Variants in RBFOX2 observed in about 807,000 individuals in gnomAD.
RBFOX2 encodes the protein RNA binding fox-1 homolog 2, also known as RNA binding protein fox-1 homolog 2.
RBFOX2 carries 10 observed loss-of-function variants against 49.1 expected under a neutral mutation model. The ratio of observed to expected loss-of-function variants is 0.20; its 90% CI spans 0.13 to 0.35. The LOEUF is 0.35. Ranked by LOEUF, RBFOX2 falls within the 10% of genes least tolerant of loss-of-function variation. The pLI is 1.00. For missense variants in RBFOX2, 323 were observed against 486.9 expected (o/e 0.66, Z 3.17); for synonymous variants, 183 against 187.4 (o/e 0.98, Z 0.19).
chr22:35,871,635 T>A (rs2044366105), intron 1 of RBFOX2, among the ~76,000 whole-genome samples: 1 of 152,168 alleles, frequency 6.6e-6, no homozygotes, highest in Admixed American at 6.5e-5. Context: ...TCACTTTTCC[T>A]AGCCACATGG....
At chr22:35,826,838 T>C (rs1465957594) in intron 1 of RBFOX2, among the ~76,000 whole-genome samples, 4 of 152,122 alleles carry the variant, frequency 2.6e-5, no homozygotes, top group Non-Finnish European at 4.4e-5. Flanking sequence ...ACAGAACAAT[T>C]ATAACAATAT....
chr22:35,862,929 C>T (rs1004504580), intron 1 of RBFOX2, among the ~76,000 whole-genome samples: 3 of 152,076 alleles, frequency 2.0e-5, no homozygotes, highest in Admixed American at 6.5e-5. Flanking sequence ...TTGCTGTCGT[C>T]GTCATCATCA....
Position 35,916,959 on chromosome 22 carries a change from T to G in RBFOX2, c.-34+21888A>C, listed in dbSNP as rs1000544652. Among the ~76,000 whole-genome samples the G allele has an allele frequency of 1.4e-4, 21 of 151,988 alleles. 1 individual carries two copies. Among genetic ancestry groups the G allele is most frequent in the African/African-American group, 4.8e-4 (20 of 41,464 alleles). On this transcript the variant is annotated intron_variant, in intron 1 of 13. Coordinates refer to the RBFOX2 transcript ENST00000359369. The stretch of plus-strand genomic sequence containing the variant: ...CACAATACCTGATGCATAGCAAGCA[T>G]TCAGTAAATAGTACCTGGTACTATA...
At chr22:35,812,451 T>G (rs966142915) in intron 1 of RBFOX2, among the ~76,000 whole-genome samples, 1 of 152,196 alleles carries the variant, frequency 6.6e-6, no homozygotes, top group Non-Finnish European at 1.5e-5. Context: ...ACGAGAGATA[T>G]AAAATAGTTA....
intron 1 of RBFOX2, 32 bp downstream of exon 2, chr22:35,938,813 TAC>T (rs746635199): frequency 8.8e-6 from 14 of 1,586,824 alleles, no homozygotes; most frequent in Non-Finnish European, 1.7e-6. Context: ...ACCACACACA[TAC>T]ATCATCTGAG....
At chr22:35,775,118 C>G (rs1943566475) in intron 4 of RBFOX2, among the ~76,000 whole-genome samples, 1 of 152,136 alleles carries the variant, frequency 6.6e-6, no homozygotes, top group Non-Finnish European at 1.5e-5. Flanking sequence ...GATTAAGAAA[C>G]TAAACTTAAT....
chr22:35,947,907 T>A (rs1163051341), intron 1 of RBFOX2, among the ~76,000 whole-genome samples: 1 of 152,188 alleles, frequency 6.6e-6, no homozygotes, highest in Non-Finnish European at 1.5e-5. Flanking sequence ...AAATTTAGCG[T>A]AGCCTAAGTG....
chr22:35,867,258 C>T (rs1226235535), intron 1 of RBFOX2, among the ~76,000 whole-genome samples: 1 of 152,194 alleles, frequency 6.6e-6, no homozygotes, highest in Non-Finnish European at 1.5e-5. Flanking sequence ...AAATACCACA[C>T]TTGAAACATT....
chr22:35,782,353 G>A (rs1159531870), intron 2 of RBFOX2, among the ~76,000 whole-genome samples: 1 of 152,006 alleles, frequency 6.6e-6, no homozygotes, highest in African/African-American at 2.4e-5. Context: ...ACAGAGTCTC[G>A]CTCTGTCGCC....
chr22:36,016,688 C>T (rs766209653), intron 1 of RBFOX2, among the ~76,000 whole-genome samples: 1 of 152,314 alleles, frequency 6.6e-6, no homozygotes, highest in Admixed American at 6.5e-5. Flanking sequence ...ATGTGGAAGT[C>T]TAAACCTCAA....
chr22:36,014,103 A>G (rs1294399338), intron 1 of RBFOX2, among the ~76,000 whole-genome samples: 1 of 150,514 alleles, frequency 6.6e-6, no homozygotes, highest in Admixed American at 6.6e-5. Flanking sequence ...CATGGGCAGG[A>G]TGATACCTAT....
chr22:35,864,184 A>C (rs1011080850), intron 1 of RBFOX2, among the ~76,000 whole-genome samples: 3 of 152,196 alleles, frequency 2.0e-5, no homozygotes, highest in Non-Finnish European at 4.4e-5. Flanking sequence ...GCTGAACATA[A>C]AATATCAAAA....
intron 2 of RBFOX2, among the ~76,000 whole-genome samples, chr22:35,795,224 T>G (rs1948557249): frequency 6.6e-6 from 1 of 152,160 alleles, no homozygotes; most frequent in South Asian, 2.1e-4. Flanking sequence ...GTAGGCTCAA[T>G]GTACCCTGCC....
chr22:35,901,972 C>G (rs2048633545), intron 1 of RBFOX2, among the ~76,000 whole-genome samples: 1 of 151,868 alleles, frequency 6.6e-6, no homozygotes, highest in Admixed American at 6.6e-5. Context: ...CTCAGCTACT[C>G]AGGAGGCTGA....
rs1949031102 is a variant in RBFOX2 at position 35,797,710 on chromosome 22, T to C, written c.252+12070A>G. On this transcript the variant is annotated intron_variant, in intron 2 of 11. Coordinates refer to ENST00000405409, the Ensembl canonical transcript of RBFOX2. ...ATATAGTGAAAACAGCAAGAATGTA[T>C]TGGTATTACTATGAAAATAATACCT... Among the ~76,000 whole-genome samples the C allele has an allele frequency of 2.0e-5, 3 of 152,318 alleles. No homozygotes were observed. The South Asian group carries it at 6.2e-4, about 32-fold the overall frequency.
At chr22:35,810,116 TG>T in intron 1 of RBFOX2, 112 bp from the exon 3 acceptor site, 2 of 1,041,468 alleles carry the variant, frequency 1.9e-6, no homozygotes, top group South Asian at 3.1e-5. Flanking sequence ...ATAGGTAAAA[TG>T]GAATGCTTAT....
At chr22:36,003,743 C>A (rs1349449953) in intron 1 of RBFOX2, among the ~76,000 whole-genome samples, 1 of 152,212 alleles carries the variant, frequency 6.6e-6, no homozygotes, top group Non-Finnish European at 1.5e-5. Flanking sequence ...TAATGACTAT[C>A]TAGCATGGTG....
At chr22:35,975,664 T>C (rs1425916322) in intron 1 of RBFOX2, among the ~76,000 whole-genome samples, 3 of 152,156 alleles carry the variant, frequency 2.0e-5, no homozygotes, top group Non-Finnish European at 4.4e-5. Flanking sequence ...TTCAGATCTA[T>C]GATCTTTTAT....
chr22:35,831,369 C>G (rs1956768856), intron 1 of RBFOX2, among the ~76,000 whole-genome samples: 1 of 151,978 alleles, frequency 6.6e-6, no homozygotes, highest in Non-Finnish European at 1.5e-5. Flanking sequence ...GGAGGCAGAG[C>G]TGGCAGTGAT....
Sources: allele counts gnomAD v4.1 joint callset (sites outside exome capture counted in the v4.1 genomes callset), GRCh38; gene constraint gnomAD v4.1.1; transcripts MANE v1.5; gene names NCBI Gene and HGNC (gene_info 2026-07-23, HGNC 2026-07-21).